Variants in ADAMTSL3 observed in about 807,000 individuals in gnomAD.
ADAMTSL3 encodes ADAMTS-like protein 3.
Under a neutral mutation model 201.7 loss-of-function variants are expected in ADAMTSL3, and 128 were observed. The observed-to-expected ratio is 0.63, with a 90% CI of 0.55 to 0.73. ADAMTSL3 has a LOEUF of 0.73. Among genes scored for constraint, ADAMTSL3 ranks in the 30% least tolerant of loss-of-function variants. The pLI is 0.00. For synonymous variants in ADAMTSL3, 738 were observed against 748.4 expected (o/e 0.99, Z 0.23); for missense variants, 1,990 against 2,119.6 (o/e 0.94, Z 1.20).
chr15:83,862,416 A>G (rs1231885354), intron 8 of ADAMTSL3: 1 of 152,254 alleles, frequency 6.6e-6, no homozygotes, highest in Non-Finnish European at 1.5e-5. Flanking sequence ...CTAACAGCAG[A>G]TCTCTTGGCA....
chr15:83,925,275 A>G (rs2066226128), intron 17 of ADAMTSL3, among the ~76,000 whole-genome samples: 1 of 152,140 alleles, frequency 6.6e-6, no homozygotes, highest in South Asian at 2.1e-4. Context: ...TGGTGAAATC[A>G]CACCCGCCAT....
chr15:83,677,089 C>G (rs2061416805), intron 2 of ADAMTSL3, among the ~76,000 whole-genome samples: 1 of 152,032 alleles, frequency 6.6e-6, no homozygotes, highest in South Asian at 2.1e-4. Context: ...TTCCTGTTAC[C>G]TTTCTGTTAC....
In ADAMTSL3 at chr15:83,990,954, T is replaced by C; in HGVS notation, c.3845-132T>C. On this transcript the variant is annotated intron_variant, in intron 22 of 29. Coordinates refer to ENST00000286744, the MANE Select transcript of ADAMTSL3 (RefSeq NM_207517.3). ...ATGTGCACATCCCCACGGTGCACCT[T>C]GAGGGATACAGAGAGAACCAGGACT... is the stretch of plus-strand genomic sequence containing the variant. 4.6e-6 allele frequency: 6 copies of C among 1,316,886 alleles called. No individual in the cohort carries two copies. The South Asian group carries it at 8.3e-5, about 18-fold the overall frequency. 81.6% of individuals were successfully genotyped at this position (1,316,886 alleles called of 1,614,324 possible).
chr15:83,972,799 C>T (rs1475724573), intron 20 of ADAMTSL3, among the ~76,000 whole-genome samples: 1 of 152,152 alleles, frequency 6.6e-6, no homozygotes, highest in Non-Finnish European at 1.5e-5. Flanking sequence ...TGTAGCCTCG[C>T]CTCACTCCAT....
In ADAMTSL3 at chr15:83,669,250, A is replaced by G. The variant is rs190210788; in HGVS notation, c.69+13420A>G. On this transcript the variant is annotated intron_variant, in intron 2 of 29. Coordinates refer to ENST00000286744, the MANE Select transcript of ADAMTSL3 (RefSeq NM_207517.3). ...AACCTCCGCCTCCTGGGTTCAAGCGATTCTCCTGCCTTAGCCACCCCAGTA... is the reference window on the plus strand; with the variant it reads ...AACCTCCGCCTCCTGGGTTCAAGCGGTTCTCCTGCCTTAGCCACCCCAGTA... 1.4e-3 allele frequency among the ~76,000 whole-genome samples: 209 copies of G among 152,060 alleles called. 2 individuals are homozygous for G. The highest frequency in any genetic ancestry group is 0.012 in the Admixed American group (187 of 15,276).
At chr15:83,966,548 C>T (rs1327003633) in intron 19 of ADAMTSL3, among the ~76,000 whole-genome samples, 1 of 152,100 alleles carries the variant, frequency 6.6e-6, no homozygotes, top group Non-Finnish European at 1.5e-5. Flanking sequence ...AGCCTACCAA[C>T]CACAAAAAGC....
At chr15:83,875,472 A>G (rs576482347) in intron 9 of ADAMTSL3, among the ~76,000 whole-genome samples, 10 of 152,294 alleles carry the variant, frequency 6.6e-5, no homozygotes, top group South Asian at 2.1e-4. Flanking sequence ...TAGCAAGGCA[A>G]ATGTGACCAT....
chr15:83,892,616 G>A (rs2065530446), intron 12 of ADAMTSL3, 68 bp from the exon 13 acceptor site: 1 of 1,486,094 alleles, frequency 6.7e-7, no homozygotes, highest in Admixed American at 2.0e-5. Context: ...CATACTTTTT[G>A]CCACCATCTT....
At chr15:83,854,594 C>T (rs377315070) in intron 7 of ADAMTSL3, among the ~76,000 whole-genome samples, 4 of 152,192 alleles carry the variant, frequency 2.6e-5, no homozygotes, top group South Asian at 4.1e-4. Flanking sequence ...GCCTTGACAA[C>T]GTGTAAATAT....
rs181289738 is a variant in ADAMTSL3 at position 83,715,828 on chromosome 15, G to A, written c.189+11320G>A. ...TGTGCCCTGTGCTCTGGCCAGACTG[G>A]ACTCCATGCCTTTCCTGTTCTGATA... On this transcript the variant is annotated intron_variant, in intron 3 of 29. Transcript: ENST00000286744. 2.2e-3 allele frequency among the ~76,000 whole-genome samples: 331 copies of A among 152,222 alleles called. 2 individuals are homozygous for A. The highest frequency in any genetic ancestry group is 7.7e-3 in the African/African-American group (322 of 41,550).
At chr15:83,657,275 T>G (rs1406044605) in intron 2 of ADAMTSL3, among the ~76,000 whole-genome samples, 5 of 152,220 alleles carry the variant, frequency 3.3e-5, no homozygotes, top group Non-Finnish European at 5.9e-5. Flanking sequence ...TGAGGCAGTC[T>G]GTTGACCTTT....
intron 23 of ADAMTSL3, among the ~76,000 whole-genome samples, chr15:83,997,796 A>G (rs988689044): frequency 6.6e-6 from 1 of 152,164 alleles, no homozygotes; most frequent in Non-Finnish European, 1.5e-5. Flanking sequence ...GACCTATCAC[A>G]TAGTTTCCTT....
In ADAMTSL3 at chr15:83,982,334, G is replaced by C. The variant is rs760315017; in HGVS notation, c.2706G>C (p.Gln902His). 1.2e-6 allele frequency: 2 copies of C among 1,613,734 alleles called. No homozygotes were observed. Among genetic ancestry groups the C allele is most frequent in the East Asian group, 4.5e-5 (2 of 44,878 alleles). Residue 902 changes from glutamine (Q) to histidine (H), a missense_variant, in exon 21 of 30, where the codon CAG becomes CAC. Coordinates refer to ENST00000286744, the MANE Select transcript of ADAMTSL3 (RefSeq NM_207517.3). ...AGGGTCCGCAGATCCTCAGTGTCCAGAGAGTCTACATTCAGACAAGGGAAG... is the reference window on the plus strand; with the variant it reads ...AGGGTCCGCAGATCCTCAGTGTCCACAGAGTCTACATTCAGACAAGGGAAG... ...GEQGPQILSV[Q>H]RVYIQTREEK...
intron 23 of ADAMTSL3, among the ~76,000 whole-genome samples, chr15:83,994,583 T>C (rs376487973): frequency 2.8e-3 from 363 of 130,528 alleles, no homozygotes; most frequent in African/African-American, 0.01. Flanking sequence ...TTTTTGTTTT[T>C]TCGTTTTTTT....
intron 8 of ADAMTSL3, chr15:83,861,557 A>C (rs987581772): frequency 6.2e-6 from 1 of 160,216 alleles, no homozygotes; most frequent in Non-Finnish European, 1.4e-5. Context: ...CCTGCAGCTG[A>C]GCGTCCTGAC....
At chr15:83,660,158 A>T (rs2061143207) in intron 2 of ADAMTSL3, among the ~76,000 whole-genome samples, 1 of 152,142 alleles carries the variant, frequency 6.6e-6, no homozygotes, top group Non-Finnish European at 1.5e-5. Flanking sequence ...AGGGGCTGAG[A>T]GAGGCTGGCA....
chr15:83,932,086 C>G (rs1183304490), intron 17 of ADAMTSL3, among the ~76,000 whole-genome samples: 93 of 152,196 alleles, frequency 6.1e-4, no homozygotes, highest in Non-Finnish European at 2.1e-4. Context: ...TAACTACAAA[C>G]AACTTATCAA....
At chr15:83,753,619 A>G (rs1265520593) in intron 3 of ADAMTSL3, among the ~76,000 whole-genome samples, 1 of 151,866 alleles carries the variant, frequency 6.6e-6, no homozygotes, top group Non-Finnish European at 1.5e-5. Flanking sequence ...TCGAAAAAGA[A>G]TTTTTTTGAA....
intron 3 of ADAMTSL3, among the ~76,000 whole-genome samples, chr15:83,736,450 G>A (rs1254617991): frequency 6.6e-6 from 1 of 152,162 alleles, no homozygotes; most frequent in African/African-American, 2.4e-5. Context: ...CCCTGGAAAA[G>A]AAGACAAAGT....
Sources: allele counts gnomAD v4.1 joint callset (sites outside exome capture counted in the v4.1 genomes callset), GRCh38; gene constraint gnomAD v4.1.1; transcripts MANE v1.5; gene names NCBI Gene and HGNC (gene_info 2026-07-23, HGNC 2026-07-21).